Variants in SP100 observed in about 807,000 individuals in gnomAD.
SP100 encodes the protein SP100 nuclear body protein, also known as nuclear autoantigen Sp-100.
Under a neutral mutation model 130.0 loss-of-function variants are expected in SP100, and 84 were observed. That is an observed-to-expected ratio of 0.65 (90% CI 0.54 to 0.77). The LOEUF (loss-of-function observed/expected upper bound fraction) is 0.77, where lower values mean the gene tolerates loss of function less well. SP100 is among the 30% of genes least tolerant of loss of function. SP100 has a pLI of 0.00. For synonymous variants in SP100, 331 were observed against 351.7 expected (o/e 0.94, Z 0.66); for missense variants, 978 against 1,052.2 (o/e 0.93, Z 0.97).
At chr2:230,508,215 A>C (rs1402032526) in intron 23 of SP100, 184 bp downstream of exon 23, 14 of 903,632 alleles carry the variant, frequency 1.5e-5, no homozygotes, top group Non-Finnish European at 2.0e-5. Flanking sequence ...TTGAACATCA[A>C]AACGTTTGAG....
At chr2:230,503,836 T>C (rs2067177613) in intron 20 of SP100, among the ~76,000 whole-genome samples, 1 of 152,136 alleles carries the variant, frequency 6.6e-6, no homozygotes, top group African/African-American at 2.4e-5. Flanking sequence ...AGGCTAAAAT[T>C]TGAGAGTTTG....
intron 6 of SP100, 52 bp from the exon 7 acceptor site, chr2:230,449,509 T>G (rs944292659): frequency 1.2e-6 from 2 of 1,605,276 alleles, no homozygotes; most frequent in Non-Finnish European, 1.7e-6. Context: ...TGGAGGGGAG[T>G]GACAGGCAGC....
chr2:230,537,739 G>A (rs187619130), intron 24 of SP100: 90 of 152,436 alleles, frequency 5.9e-4, no homozygotes, highest in African/African-American at 2.1e-3. Flanking sequence ...TTATTGGTCT[G>A]AGGTGCTGCC....
intron 15 of SP100, among the ~76,000 whole-genome samples, chr2:230,470,951 TAC>T (rs2065234955): frequency 1.4e-5 from 2 of 146,250 alleles, no homozygotes; most frequent in Non-Finnish European, 3.0e-5. Context: ...CATGTATACA[TAC>T]ATAAACACAC....
intron 24 of SP100, chr2:230,538,471 G>A (rs1235890046): frequency 6.6e-6 from 1 of 152,190 alleles, no homozygotes; most frequent in African/African-American, 2.4e-5. Context: ...CACCCCCCTT[G>A]GAGATGTGCC....
At chr2:230,418,561 G>A (rs777112286) in intron 2 of SP100, among the ~76,000 whole-genome samples, 10 of 151,556 alleles carry the variant, frequency 6.6e-5, no homozygotes, top group Non-Finnish European at 7.4e-5. Flanking sequence ...CAAACTTCCC[G>A]TTTGCTTAGT....
chr2:230,440,641 A>G (rs2063439909), intron 2 of SP100: 1 of 1,266,668 alleles, frequency 7.9e-7, no homozygotes. Context: ...CTGTAGCTTC[A>G]ATTCAAATCC....
chr2:230,466,223 C>T (rs895420784), intron 11 of SP100, 78 bp from the exon 12 acceptor site: 4 of 715,080 alleles, frequency 5.6e-6, no homozygotes, highest in African/African-American at 5.6e-5. Context: ...TAACCCAAGC[C>T]CATTTGCCAT....
Position 230,544,779 on chromosome 2 carries a change from A to G in SP100, c.*1833A>G, listed in dbSNP as rs1692267732. On this transcript the variant is annotated 3_prime_UTR_variant, in exon 29 of 29. Coordinates refer to ENST00000340126, the MANE Select transcript of SP100 (RefSeq NM_001080391.2). ...TACAGGCATCAGCCACCATGCCCGG[A>G]TGAAAAGACACTTTCCAAAAGAAGA... is the stretch of plus-strand genomic sequence containing the variant. 6.6e-6 allele frequency among the ~76,000 whole-genome samples: 1 copy of G among 152,190 alleles called. No individual in the cohort carries two copies. Among genetic ancestry groups the G allele is most frequent in the Non-Finnish European group, 1.5e-5 (1 of 68,024 alleles).
At chr2:230,497,606 G>GGAAAGGAAAGGAAA (rs2066768753) in intron 18 of SP100, among the ~76,000 whole-genome samples, 1 of 141,160 alleles carries the variant, frequency 7.1e-6, no homozygotes, top group Non-Finnish European at 1.6e-5. Context: ...GGAAAGGAAA[G>GGAAAGGAAAGGAAA]GAAAGGAAAG....
At chr2:230,458,465 G>T (rs982977441) in intron 8 of SP100, among the ~76,000 whole-genome samples, 2 of 152,190 alleles carry the variant, frequency 1.3e-5, no homozygotes, top group Non-Finnish European at 2.9e-5. Context: ...CATACAAGTG[G>T]ACTCATGTAG....
intron 17 of SP100, among the ~76,000 whole-genome samples, chr2:230,480,877 C>G (rs2065800012): frequency 6.6e-6 from 1 of 152,156 alleles, no homozygotes; most frequent in Non-Finnish European, 1.5e-5. Flanking sequence ...GGTGAGTGAG[C>G]TGGGAGAAGG....
At chr2:230,477,156 C>T (rs1419872339) in intron 17 of SP100, among the ~76,000 whole-genome samples, 2 of 152,242 alleles carry the variant, frequency 1.3e-5, no homozygotes, top group South Asian at 2.1e-4. Context: ...TGAGCTACCA[C>T]GCCCGGCCCT....
Position 230,462,436 on chromosome 2 carries a change from C to A in SP100, c.975C>A (p.Val325=). The A allele has an allele frequency of 6.2e-7, 1 of 1,613,062 alleles. No homozygotes were observed. The highest frequency in any genetic ancestry group is 8.5e-7 in the Non-Finnish European group (1 of 1,179,144). ...AATGGTTTTTGCTCCTTTGTGCAGT[C>A]ATCAGCAGTGAGGACTCTGAAGGAT... ...THHNQASDII[V]ISSEDSEGST... Residue 325 remains valine (V), a splice_region_variant and synonymous_variant, in exon 10 of 29, where the codon GTC becomes GTA. Transcript: ENST00000340126.
chr2:230,532,669 T>A (rs2150109703), intron 24 of SP100, among the ~76,000 whole-genome samples: 1 of 152,356 alleles, frequency 6.6e-6, no homozygotes, highest in Admixed American at 6.5e-5. Context: ...GTGGTGAAAG[T>A]TACCTAATCA....
intron 19 of SP100, among the ~76,000 whole-genome samples, chr2:230,500,196 T>A (rs2066940421): frequency 6.6e-6 from 1 of 152,234 alleles, no homozygotes. Flanking sequence ...TTATTTTACA[T>A]GGTTAATGTA....
intron 8 of SP100, among the ~76,000 whole-genome samples, chr2:230,452,941 C>T (rs1324195562): frequency 2.0e-5 from 3 of 150,784 alleles, no homozygotes; most frequent in Non-Finnish European, 4.4e-5. Flanking sequence ...ATTTCTTTTG[C>T]CTGCCTAATT....
rs79349490 is a variant in SP100 at position 230,502,076 on chromosome 2, C to G, written c.1721-990C>G. On this transcript the variant is annotated intron_variant, in intron 19 of 28. Coordinates refer to ENST00000340126, the MANE Select transcript of SP100 (RefSeq NM_001080391.2). Reference sequence around the variant, plus strand: ...AATTTTTAGTAGAGACGGAGTTTCACCATGTTGGCTAGGCTGGTTTTGAAC... The same window carrying G: ...AATTTTTAGTAGAGACGGAGTTTCAGCATGTTGGCTAGGCTGGTTTTGAAC... Among the ~76,000 whole-genome samples the G allele has an allele frequency of 5.7e-3, 866 of 150,902 alleles. 35 individuals carry two copies. The highest frequency in any genetic ancestry group is 0.054 in the Admixed American group (817 of 15,112).
intron 24 of SP100, chr2:230,515,274 G>GA (rs762056038): frequency 5.6e-6 from 9 of 1,609,544 alleles, no homozygotes; most frequent in Middle Eastern, 1.7e-4. Flanking sequence ...CTAAAGGGGA[G>GA]AAAAAAAAGA....
Sources: gnomAD v4.1 joint callset for allele counts (sites outside exome capture counted in the v4.1 genomes callset) on GRCh38, gnomAD v4.1.1 for gene constraint, MANE v1.5 for transcripts, NCBI Gene and HGNC (gene_info 2026-07-23, HGNC 2026-07-21) for gene names.